LRRC49: variants seen among roughly 807,000 people sequenced by gnomAD.
LRRC49 encodes the protein leucine-rich repeat-containing protein 49.
A neutral mutation model predicts 83.3 loss-of-function variants in LRRC49; 50 were observed. That is an observed-to-expected ratio of 0.60 (90% CI 0.48 to 0.76). LRRC49 has a LOEUF of 0.76. LRRC49 is among the 30% of genes least tolerant of loss of function. The probability of loss-of-function intolerance (pLI) is 0.00; values close to 1 mark genes in which losing one functional copy is unlikely to be tolerated. For missense variants in LRRC49, 704 were observed against 809.1 expected, an observed-to-expected ratio of 0.87 and a Z score of 1.58; for synonymous variants, 286 against 283.3, an observed-to-expected ratio of 1.01 and a Z score of -0.10.
intron 1 of LRRC49, among the ~76,000 whole-genome samples, chr15:70,856,476 T>C (rs946048168): frequency 2.6e-5 from 4 of 152,126 alleles, no homozygotes; most frequent in Non-Finnish European, 5.9e-5. Flanking sequence ...ATATGGGGCA[T>C]CTTTCTGGGG....
chr15:71,019,371 A>C (rs999824844), intron 14 of LRRC49, among the ~76,000 whole-genome samples: 3 of 152,184 alleles, frequency 2.0e-5, no homozygotes, highest in African/African-American at 7.2e-5. Context: ...GGTTTTAGGA[A>C]CTTTTTGCCA....
intron 14 of LRRC49, among the ~76,000 whole-genome samples, chr15:71,030,185 T>C (rs1205523472): frequency 6.6e-6 from 1 of 152,210 alleles, no homozygotes; most frequent in Non-Finnish European, 1.5e-5. Flanking sequence ...ATTTAGTGCT[T>C]TCTTTAGGAG....
chr15:70,932,726 C>CTTTTTTTTTTTTTTTTTTTTT (rs5813614), intron 7 of LRRC49, among the ~76,000 whole-genome samples: 2 of 97,202 alleles, frequency 2.1e-5, no homozygotes, highest in Non-Finnish European at 4.1e-5. Context: ...CTTTCTCTGT[C>CTTTTTTTTTTTTTTTTTTTTT]TTTTTTTTTT....
intron 10 of LRRC49, among the ~76,000 whole-genome samples, chr15:70,980,937 T>C (rs1293817303): frequency 6.6e-6 from 1 of 152,124 alleles, no homozygotes; most frequent in African/African-American, 2.4e-5. Context: ...GTACCTGAAG[T>C]CTTAACTACT....
intron 11 of LRRC49, among the ~76,000 whole-genome samples, chr15:70,984,786 C>T (rs1443576861): frequency 2.5e-5 from 3 of 120,938 alleles, no homozygotes; most frequent in African/African-American, 6.2e-5. Flanking sequence ...CCCCTCCCCC[C>T]ACCCCACAAC....
intron 14 of LRRC49, among the ~76,000 whole-genome samples, chr15:71,032,678 T>G (rs777539129): frequency 3.9e-5 from 6 of 152,168 alleles, no homozygotes; most frequent in Non-Finnish European, 8.8e-5. Flanking sequence ...CACTTTGGCC[T>G]CATCCCTGGG....
intron 6 of LRRC49, among the ~76,000 whole-genome samples, chr15:70,915,332 A>C (rs1030823576): frequency 2.0e-5 from 3 of 152,210 alleles, no homozygotes; most frequent in African/African-American, 7.2e-5. Context: ...TTCTAATTGT[A>C]AGCCCCACCA....
chr15:71,003,624 T>C (rs1361613923), intron 11 of LRRC49, among the ~76,000 whole-genome samples: 1 of 152,212 alleles, frequency 6.6e-6, no homozygotes, highest in African/African-American at 2.4e-5. Context: ...CTTTTATTAA[T>C]AATAATCATG....
intron 8 of LRRC49, among the ~76,000 whole-genome samples, chr15:70,950,102 T>C (rs1288487372): frequency 2.0e-5 from 3 of 152,212 alleles, no homozygotes; most frequent in African/African-American, 4.8e-5. Context: ...CTTAGGATAA[T>C]GTCCTCCATC....
At chr15:70,933,916 T>A (rs1317033134) in intron 7 of LRRC49, among the ~76,000 whole-genome samples, 1 of 152,226 alleles carries the variant, frequency 6.6e-6, no homozygotes, top group African/African-American at 2.4e-5. Flanking sequence ...TGTTTAACTA[T>A]CATTAATGTC....
intron 2 of LRRC49, among the ~76,000 whole-genome samples, chr15:70,887,349 C>G (rs1305214308): frequency 6.6e-6 from 1 of 152,054 alleles, no homozygotes; most frequent in African/African-American, 2.4e-5. Flanking sequence ...CTCGTGCACA[C>G]AGATACAAAA....
chr15:70,959,539 AAGGAAGGAAGG>A (rs2036526552), intron 8 of LRRC49, among the ~76,000 whole-genome samples: 1 of 8,018 alleles, frequency 1.2e-4, no homozygotes, highest in Admixed American at 1.7e-3. Context: ...GAAAGGAGGG[AAGGAAGGAAGG>A]AAGGAAGGAA....
intron 7 of LRRC49, among the ~76,000 whole-genome samples, chr15:70,932,988 C>T (rs561637605): frequency 6.6e-6 from 1 of 152,174 alleles, no homozygotes; most frequent in Non-Finnish European, 1.5e-5. Flanking sequence ...CCTCACCTCC[C>T]AAATTGCTGG....
At chr15:70,878,041 G>T (rs1221957914) in intron 2 of LRRC49, among the ~76,000 whole-genome samples, 1 of 152,170 alleles carries the variant, frequency 6.6e-6, no homozygotes, top group Admixed American at 6.5e-5. Flanking sequence ...GCTGAGGTGG[G>T]AGAATGGCGT....
At chr15:70,986,669 G>A (rs1001846704) in intron 11 of LRRC49, among the ~76,000 whole-genome samples, 88 of 152,092 alleles carry the variant, frequency 5.8e-4, no homozygotes, top group East Asian at 4.4e-3. Context: ...TTCCAACACT[G>A]TGTTGAATAG....
intron 13 of LRRC49, among the ~76,000 whole-genome samples, 165 bp from the exon 14 acceptor site, chr15:71,012,638 GA>G (rs2038689797): frequency 6.6e-6 from 1 of 152,072 alleles, no homozygotes; most frequent in Non-Finnish European, 1.5e-5. Context: ...TTTAACTCAA[GA>G]AAGAAAAATA....
chr15:70,920,272 T>G (rs938887967), intron 7 of LRRC49, among the ~76,000 whole-genome samples: 80 of 152,198 alleles, frequency 5.3e-4, no homozygotes, highest in African/African-American at 1.9e-3. Context: ...ATCGTACAGA[T>G]TGGTTTTATT....
chr15:70,955,930 T>C (rs563501118), intron 8 of LRRC49, among the ~76,000 whole-genome samples: 1 of 152,350 alleles, frequency 6.6e-6, no homozygotes, highest in African/African-American at 2.4e-5. Context: ...GTGAGCACGC[T>C]TGATGATTTA....
upstream of LRRC49, among the ~76,000 whole-genome samples, chr15:70,890,798 G>C (rs757319616): frequency 9.9e-5 from 15 of 152,206 alleles, no homozygotes; most frequent in Non-Finnish European, 1.8e-4. Flanking sequence ...TTGTTGGTAG[G>C]AAGTAATATA....
Sources: allele counts gnomAD v4.1 joint callset (sites outside exome capture counted in the v4.1 genomes callset), GRCh38; gene constraint gnomAD v4.1.1; transcripts MANE v1.5; gene names NCBI Gene and HGNC (gene_info 2026-07-23, HGNC 2026-07-21).